RNF213: variants seen among roughly 807,000 people sequenced by gnomAD.
RNF213 encodes ring finger protein 213.
In RNF213, 341 loss-of-function variants were observed where a neutral mutation model predicts 514.4. That is an observed-to-expected ratio of 0.66 (90% CI 0.61 to 0.73). The LOEUF is 0.73. Among genes scored for constraint, RNF213 ranks in the 30% least tolerant of loss-of-function variants. The probability of loss-of-function intolerance (pLI) is 0.00; values close to 1 mark genes in which losing one functional copy is unlikely to be tolerated. For synonymous variants in RNF213, 2,655 were observed against 2,658.2 expected (o/e 1.00, Z 0.04); for missense variants, 5,767 against 6,615.6 (o/e 0.87, Z 4.45).
intron 18 of RNF213, among the ~76,000 whole-genome samples, chr17:80,327,576 G>A (rs867869528): frequency 5.3e-5 from 8 of 152,170 alleles, no homozygotes; most frequent in Admixed American, 3.3e-4. Context: ...TGGCCATTGC[G>A]GGAAGTCATC....
In RNF213 at chr17:80,354,341, G is replaced by C. The variant is rs2078650315; in HGVS notation, c.10727-100G>C. 3.2e-6 allele frequency: 5 copies of C among 1,586,620 alleles called. No homozygotes were observed. In the East Asian group the frequency reaches 1.1e-4, roughly 35 times the overall value. The stretch of plus-strand genomic sequence containing the variant: ...CAGATTTTGCTCTAGAATTGGCCTG[G>C]CCAACGGACTTCCCTTCCTGGGGGA... On this transcript the variant is annotated intron_variant, in intron 35 of 67. Coordinates refer to ENST00000582970, the MANE Select transcript of RNF213 (RefSeq NM_001256071.3).
At chr17:80,392,064 G>A (rs945601847) in intron 67 of RNF213, among the ~76,000 whole-genome samples, 3 of 151,912 alleles carry the variant, frequency 2.0e-5, no homozygotes, top group African/African-American at 7.3e-5. Context: ...CACTGCGCCC[G>A]GCCTGTCCTC....
chr17:80,330,694 C>T (rs1420606719), intron 20 of RNF213, among the ~76,000 whole-genome samples: 1 of 152,208 alleles, frequency 6.6e-6, no homozygotes, highest in African/African-American at 2.4e-5. Context: ...TATCTGTGGC[C>T]TCCAATCCAC....
At chr17:80,287,220 G>A (rs1345613390) in intron 3 of RNF213, among the ~76,000 whole-genome samples, 4 of 152,162 alleles carry the variant, frequency 2.6e-5, no homozygotes, top group Admixed American at 2.0e-4. Flanking sequence ...AACCAGCTGG[G>A]AATGGTGGTT....
chr17:80,371,980 C>T lies in RNF213; in HGVS notation c.12532C>T (p.Leu4178=). 1 of 1,547,452 alleles carries T rather than the reference C, an allele frequency of 6.5e-7. No homozygotes were observed. Among genetic ancestry groups the T allele is most frequent in the Non-Finnish European group, 8.9e-7 (1 of 1,119,188 alleles). ...TELYMLFINC[L]EDSILEKTSA... Reference sequence around the variant, plus strand: ...ACTGTACATGCTCTTCATCAACTGCCTGGAGGTAAGTGAACTCTCTCTTCC... The same window carrying T: ...ACTGTACATGCTCTTCATCAACTGCTTGGAGGTAAGTGAACTCTCTCTTCC... Residue 4178 remains leucine, a synonymous_variant, in exon 47 of 68, where the codon CTG becomes TTG. Coordinates refer to ENST00000582970, the MANE Select transcript of RNF213 (RefSeq NM_001256071.3).
chr17:80,295,896 T>G, intron 10 of RNF213, 83 bp downstream of exon 10: 1 of 1,500,536 alleles, frequency 6.7e-7, no homozygotes, highest in South Asian at 1.1e-5. Context: ...TTGACTAGAG[T>G]GACTGAAAGC....
intron 46 of RNF213, chr17:80,371,548 T>C: frequency 5.5e-6 from 1 of 181,980 alleles, no homozygotes; most frequent in East Asian, 1.5e-4. Context: ...TTTGAAACCT[T>C]TTGTTTTTAA....
chr17:80,376,425 G>A lies in RNF213; in HGVS notation c.13310G>A (p.Ser4437Asn), dbSNP rs1034490653. The A allele has an allele frequency of 1.2e-6, 2 of 1,614,226 alleles. No individual in the cohort carries two copies. Among genetic ancestry groups the A allele is most frequent in the African/African-American group, 2.7e-5 (2 of 75,066 alleles). ...TTGTTGAGGGCGGGGCCTAGTGACA[G>A]CAACCTTGATGGAACGGTGACAGAA... ...VPLLRAGPSD[S>N]NLDGTVTEMA... The change falls in exon 52 of 68, where the codon AGC becomes AAC. Residue 4437 changes from serine (S) to asparagine (N), a missense_variant. Transcript: ENST00000582970.
chr17:80,331,044 C>G (rs1376748987), intron 20 of RNF213, among the ~76,000 whole-genome samples: 1 of 152,200 alleles, frequency 6.6e-6, no homozygotes, highest in Non-Finnish European at 1.5e-5. Flanking sequence ...GTCTTGAACT[C>G]CTGACCTCAA....
In RNF213 at chr17:80,355,632, T is replaced by C. The variant is rs79376586; in HGVS notation, c.10862+1056T>C. On this transcript the variant is annotated intron_variant, in intron 36 of 67. Coordinates refer to ENST00000582970, the MANE Select transcript of RNF213 (RefSeq NM_001256071.3). The stretch of plus-strand genomic sequence containing the variant: ...AGCGGGGTGAGTGGGAATGGGGGCT[T>C]ACAGGGGAAGAAGCGGGGTGGACGG... 3.3e-3 allele frequency among the ~76,000 whole-genome samples: 74 copies of C among 22,684 alleles called. 6 individuals are homozygous for C. Among genetic ancestry groups the C allele is most frequent in the African/African-American group, 0.01 (51 of 5,034 alleles). 14.9% of individuals were successfully genotyped at this position (22,684 alleles called of 152,430 possible).
In RNF213 at chr17:80,361,780, C is replaced by T. The variant is rs772699789; in HGVS notation, c.11247C>T (p.Gly3749=). ...ACATCTTTCAGCAGACTCCTCTGGG[C>T]AGGTTTCTTGCCCAGCTCCATGGAG... is the stretch of plus-strand genomic sequence containing the variant. The part of the protein sequence containing the change: ...FVDIFQQTPL[G]RFLAQLHGEP... Residue 3749 remains glycine (G), a synonymous_variant, in exon 39 of 68, where the codon GGC becomes GGT. Transcript: ENST00000582970. 3 of 1,614,072 alleles carry T rather than the reference C, an allele frequency of 1.9e-6. No homozygotes were observed. The South Asian group carries it at 3.3e-5, about 18-fold the overall frequency.
At chr17:80,361,216 T>A (rs1248407694) in intron 38 of RNF213, among the ~76,000 whole-genome samples, 1 of 152,230 alleles carries the variant, frequency 6.6e-6, no homozygotes, top group Non-Finnish European at 1.5e-5. Context: ...GTTTCCGCCT[T>A]CCTTTATTTT....
chr17:80,320,756 T>C (rs574636912), intron 17 of RNF213: 1 of 152,212 alleles, frequency 6.6e-6, no homozygotes. Context: ...CACGGCACTT[T>C]GGGAGCCCAG....
intron 19 of RNF213, 30 bp from the exon 20 acceptor site, chr17:80,328,298 G>T (rs924791323): frequency 6.5e-7 from 1 of 1,526,836 alleles, no homozygotes; most frequent in Non-Finnish European, 8.8e-7. Flanking sequence ...TGCTGTATTG[G>T]GTTACTTTAT....
At chr17:80,281,920 G>T (rs1367982874) in intron 3 of RNF213, among the ~76,000 whole-genome samples, 3 of 151,966 alleles carry the variant, frequency 2.0e-5, no homozygotes, top group African/African-American at 7.3e-5. Flanking sequence ...GCAATGGCGT[G>T]ATCTCGGCTC....
intron 2 of RNF213, among the ~76,000 whole-genome samples, chr17:80,269,370 C>T (rs1283918407): frequency 1.3e-5 from 2 of 151,720 alleles, no homozygotes; most frequent in East Asian, 1.9e-4. Context: ...GTCCACCTAC[C>T]CTATCTATCT....
At chr17:80,281,561 A>ACATACCCCACTCACACACACACCCC in intron 3 of RNF213, among the ~76,000 whole-genome samples, 1 of 51,830 alleles carries the variant, frequency 1.9e-5, no homozygotes, top group East Asian at 7.6e-4. Context: ...CCCCCAAGAC[A>ACATACCCCACTCACACACACACCCC]AACGCCCCAC....
At chr17:80,372,879 C>T (rs2079571261) in intron 48 of RNF213, 96 bp from the exon 49 acceptor site, 4 of 1,410,686 alleles carry the variant, frequency 2.8e-6, no homozygotes, top group Admixed American at 3.9e-5. Context: ...CTGTGAATGC[C>T]TGTGGGTAGG....
chr17:80,386,469 C>T (rs1374364578), intron 62 of RNF213, 39 bp downstream of exon 62: 5 of 1,605,470 alleles, frequency 3.1e-6, no homozygotes, highest in Non-Finnish European at 4.3e-6. Flanking sequence ...GCCTGCTCAG[C>T]CCAGAGTCCC....
Sources: allele counts gnomAD v4.1 joint callset (sites outside exome capture counted in the v4.1 genomes callset), GRCh38; gene constraint gnomAD v4.1.1; transcripts MANE v1.5; gene names NCBI Gene and HGNC (gene_info 2026-07-23, HGNC 2026-07-21).